The following LCMT1 variants were observed in gnomAD, a reference collection of about 807,000 sequenced individuals.
LCMT1 encodes the protein leucine carboxyl methyltransferase 1.
A neutral mutation model predicts 47.7 loss-of-function variants in LCMT1; 32 were observed. The observed-to-expected ratio is 0.67, with a 90% CI of 0.51 to 0.90. The LOEUF (loss-of-function observed/expected upper bound fraction) is 0.90. Ranked by LOEUF, LCMT1 falls within the 40% of genes least tolerant of loss-of-function variation. The probability of loss-of-function intolerance (pLI) is 0.00; values close to 1 mark genes in which losing one functional copy is unlikely to be tolerated. For synonymous variants in LCMT1, 152 were observed against 149.7 expected, an observed-to-expected ratio of 1.02 and a Z score of -0.11; for missense variants, 375 against 415.2, an observed-to-expected ratio of 0.90 and a Z score of 0.84.
chr16:25,175,164 C>A, intron 10 of LCMT1, 130 bp downstream of exon 10: 1 of 602,582 alleles, frequency 1.7e-6, no homozygotes, highest in Non-Finnish European at 3.0e-6. Context: ...TGTTTTGAGA[C>A]AGGGTCTCGC....
intron 1 of LCMT1, among the ~76,000 whole-genome samples, chr16:25,121,024 G>T (rs573777307): frequency 6.8e-6 from 1 of 147,678 alleles, no homozygotes; most frequent in African/African-American, 2.5e-5. Flanking sequence ...GCCTCCCAAA[G>T]TGCTAGGATT....
intron 1 of LCMT1, among the ~76,000 whole-genome samples, chr16:25,116,469 G>A (rs1056111506): frequency 2.6e-5 from 4 of 152,058 alleles, no homozygotes; most frequent in Admixed American, 6.6e-5. Context: ...TGGTCTGCGC[G>A]ATTGTTTATG....
intron 4 of LCMT1, chr16:25,143,852 C>T (rs1293594596): frequency 1.3e-5 from 2 of 152,208 alleles, no homozygotes; most frequent in African/African-American, 2.4e-5. Flanking sequence ...TGCTTAGTAA[C>T]TTTCAACTGG....
intron 5 of LCMT1, among the ~76,000 whole-genome samples, chr16:25,153,798 C>T (rs1961151878): frequency 6.6e-6 from 1 of 151,692 alleles, no homozygotes; most frequent in Non-Finnish European, 1.5e-5. Flanking sequence ...ACTAAAAATA[C>T]AAAAATTAGC....
At chr16:25,122,830 T>C (rs541475466) in intron 1 of LCMT1, among the ~76,000 whole-genome samples, 1 of 152,016 alleles carries the variant, frequency 6.6e-6, no homozygotes, top group Non-Finnish European at 1.5e-5. Flanking sequence ...TTTTTTTCTT[T>C]TTTTGAGACA....
chr16:25,131,605 T>G (rs1960350285), intron 2 of LCMT1, among the ~76,000 whole-genome samples: 1 of 152,232 alleles, frequency 6.6e-6, no homozygotes, highest in Non-Finnish European at 1.5e-5. Flanking sequence ...CTTAAAATAG[T>G]CACATACTGT....
At chr16:25,169,697 A>G (rs1441832594) in intron 8 of LCMT1, among the ~76,000 whole-genome samples, 2 of 152,146 alleles carry the variant, frequency 1.3e-5, no homozygotes, top group Non-Finnish European at 2.9e-5. Flanking sequence ...ACAAGTTGAC[A>G]ACTCCTTCAT....
At chr16:25,167,753 C>T (rs1042676877) in intron 7 of LCMT1, among the ~76,000 whole-genome samples, 1 of 151,946 alleles carries the variant, frequency 6.6e-6, no homozygotes, top group Non-Finnish European at 1.5e-5. Flanking sequence ...CATATATTAA[C>T]TTATTTATTT....
chr16:25,169,485 C>T (rs1961689850), intron 8 of LCMT1: 1 of 301,928 alleles, frequency 3.3e-6, no homozygotes, highest in African/African-American at 2.1e-5. Flanking sequence ...AATAAACACA[C>T]ACGTCTCATC....
At chr16:25,151,924 A>T (rs1242980850) in intron 5 of LCMT1, among the ~76,000 whole-genome samples, 1 of 142,354 alleles carries the variant, frequency 7.0e-6, no homozygotes, top group East Asian at 2.2e-4. Flanking sequence ...CAGGTGGGTG[A>T]ACATACATAT....
intron 5 of LCMT1, among the ~76,000 whole-genome samples, chr16:25,157,840 C>G (rs1268700259): frequency 6.6e-6 from 1 of 152,124 alleles, no homozygotes; most frequent in Non-Finnish European, 1.5e-5. Flanking sequence ...CAGGGGGTCC[C>G]CACCTTTCTT....
At chr16:25,138,838 TACTAA>T (rs1960583192) in intron 3 of LCMT1, among the ~76,000 whole-genome samples, 1 of 152,234 alleles carries the variant, frequency 6.6e-6, no homozygotes, top group Non-Finnish European at 1.5e-5. Context: ...GTGATAATTT[TACTAA>T]GGTCAGGCCA....
chr16:25,165,425 G>C (rs1464148593), intron 7 of LCMT1, among the ~76,000 whole-genome samples: 4 of 152,128 alleles, frequency 2.6e-5, no homozygotes, highest in African/African-American at 4.8e-5. Flanking sequence ...TTAGTGATTG[G>C]GAGTCCATTC....
At chr16:25,153,491 A>G (rs570681860) in intron 5 of LCMT1, among the ~76,000 whole-genome samples, 2 of 152,244 alleles carry the variant, frequency 1.3e-5, no homozygotes, top group Admixed American at 1.3e-4. Context: ...CCCAATCCCA[A>G]TCCCAAGCAA....
intron 1 of LCMT1, among the ~76,000 whole-genome samples, chr16:25,119,336 C>A (rs1959896515): frequency 6.6e-6 from 1 of 151,486 alleles, no homozygotes; most frequent in Non-Finnish European, 1.5e-5. Context: ...GGTCATCGGC[C>A]CAGTTGTAAT....
At chr16:25,149,263 T>C (rs888547518) in intron 4 of LCMT1, among the ~76,000 whole-genome samples, 2 of 152,186 alleles carry the variant, frequency 1.3e-5, no homozygotes, top group African/African-American at 4.8e-5. Flanking sequence ...TTAAAGCTCA[T>C]CAGCTATTGT....
chr16:25,171,368 G>A (rs1295059200), intron 9 of LCMT1, among the ~76,000 whole-genome samples: 2 of 151,978 alleles, frequency 1.3e-5, no homozygotes, highest in African/African-American at 2.4e-5. Context: ...GAGCTGAGAT[G>A]TGCAATTGTA....
chr16:25,164,690 A>G lies in LCMT1; in HGVS notation c.662A>G (p.Glu221Gly), dbSNP rs1450396213. The G allele has an allele frequency of 1.2e-6, 2 of 1,613,898 alleles. No homozygotes were observed. The highest frequency in any genetic ancestry group is 3.3e-5 in the Admixed American group (2 of 60,002). ...CTGAAGTGGGCAGCCAACAGTTTTGAGAGAGCCATGTTCATAAACTACGAA... is the reference window on the plus strand; with the variant it reads ...CTGAAGTGGGCAGCCAACAGTTTTGGGAGAGCCATGTTCATAAACTACGAA... Reference protein sequence around the residue: ...NLLKWAANSFERAMFINYEQV... With the variant: ...NLLKWAANSFGRAMFINYEQV... The change falls in exon 7 of 11, where the codon GAG becomes GGG. Residue 221 changes from glutamate (E) to glycine (G), a missense_variant. Physicochemically the swap from Glu to Gly is moderately conservative, Grantham distance 98. Transcript: ENST00000399069.
At chr16:25,133,803 G>A (rs924029977) in intron 3 of LCMT1, among the ~76,000 whole-genome samples, 1 of 151,444 alleles carries the variant, frequency 6.6e-6, no homozygotes, top group East Asian at 2.0e-4. Context: ...GGAGGCTGAG[G>A]TGGGCAGATC....
Sources: gnomAD v4.1 joint callset for allele counts (sites outside exome capture counted in the v4.1 genomes callset) on GRCh38, gnomAD v4.1.1 for gene constraint, MANE v1.5 for transcripts, NCBI Gene and HGNC (gene_info 2026-07-23, HGNC 2026-07-21) for gene names.